Variants in FHIT observed in about 807,000 individuals in gnomAD.
FHIT encodes the protein fragile histidine triad diadenosine triphosphatase, also known as bis(5'-adenosyl)-triphosphatase.
FHIT carries 19 observed loss-of-function variants against 17.9 expected under a neutral mutation model. The observed-to-expected ratio is 1.06, with a 90% CI of 0.74 to 1.56. The LOEUF is 1.56. Ranked by LOEUF, FHIT falls within the 40% of genes most tolerant of loss-of-function variation. FHIT has a pLI of 0.00. For synonymous variants in FHIT, 81 were observed against 69.7 expected (o/e 1.16, Z -0.81); for missense variants, 248 against 189.2 (o/e 1.31, Z -1.82).
intron 4 of FHIT, among the ~76,000 whole-genome samples, chr3:60,560,820 C>CACAA (rs2036911872): frequency 7.7e-6 from 1 of 129,450 alleles, no homozygotes; most frequent in African/African-American, 2.9e-5. Flanking sequence ...CACACACACA[C>CACAA]ACACACACAC....
intron 5 of FHIT, among the ~76,000 whole-genome samples, chr3:60,127,998 A>C (rs1705636578): frequency 6.6e-6 from 1 of 152,196 alleles, no homozygotes; most frequent in Non-Finnish European, 1.5e-5. Context: ...TTAATATTCA[A>C]GTAATATTAA....
At chr3:60,681,106 G>A (rs1192330538) in intron 4 of FHIT, among the ~76,000 whole-genome samples, 1 of 152,184 alleles carries the variant, frequency 6.6e-6, no homozygotes, top group East Asian at 1.9e-4. Context: ...TTTACAAGTT[G>A]AAGGTTTGTG....
chr3:60,020,392 A>G (rs1484748663), intron 5 of FHIT, among the ~76,000 whole-genome samples: 8 of 152,210 alleles, frequency 5.3e-5, no homozygotes, highest in East Asian at 1.9e-4. Flanking sequence ...ACTCGCCCCC[A>G]TTTAGTTTTC....
chr3:61,166,675 G>T (rs1488954527), intron 2 of FHIT, among the ~76,000 whole-genome samples: 1 of 152,174 alleles, frequency 6.6e-6, no homozygotes, highest in Admixed American at 6.6e-5. Flanking sequence ...ATATCCACTT[G>T]TAACACAGAA....
intron 5 of FHIT, among the ~76,000 whole-genome samples, chr3:60,072,424 A>G (rs371748687): frequency 6.6e-6 from 1 of 152,100 alleles, no homozygotes; most frequent in African/African-American, 2.4e-5. Context: ...GAAACCAACC[A>G]AGTCAACAAC....
intron 5 of FHIT, among the ~76,000 whole-genome samples, chr3:60,289,943 G>A (rs1487169578): frequency 6.6e-6 from 1 of 152,106 alleles, no homozygotes; most frequent in Admixed American, 6.5e-5. Flanking sequence ...TTCCCTCCTG[G>A]CCCACTACAG....
chr3:60,255,513 A>AC (rs1176706748), intron 5 of FHIT, among the ~76,000 whole-genome samples: 1 of 152,040 alleles, frequency 6.6e-6, no homozygotes, highest in Non-Finnish European at 1.5e-5. Context: ...GGGGCGACAA[A>AC]CCCAACTTCT....
intron 8 of FHIT, among the ~76,000 whole-genome samples, chr3:59,805,328 G>A (rs990164440): frequency 6.6e-6 from 1 of 152,146 alleles, no homozygotes; most frequent in African/African-American, 2.4e-5. Context: ...ATGGAGTTCA[G>A]GACATGCTTC....
chr3:60,111,376 CCAAAGGTG>C (rs1704662199), intron 5 of FHIT, among the ~76,000 whole-genome samples: 1 of 152,046 alleles, frequency 6.6e-6, no homozygotes, highest in Admixed American at 6.5e-5. Flanking sequence ...TGCTTTTCAC[CCAAAGGTG>C]CAGTTAAAGA....
chr3:60,603,764 G>A (rs2038519216), intron 4 of FHIT, among the ~76,000 whole-genome samples: 1 of 152,052 alleles, frequency 6.6e-6, no homozygotes, highest in African/African-American at 2.4e-5. Context: ...CACTAGAAGT[G>A]AATGATACGT....
At chr3:60,472,387 G>A (rs1325392485) in intron 5 of FHIT, among the ~76,000 whole-genome samples, 4 of 59,118 alleles carry the variant, frequency 6.8e-5, no homozygotes, top group African/African-American at 3.0e-4. Flanking sequence ...TTTTTTTTTT[G>A]AGACGAAGTC....
chr3:61,217,393 G>A (rs2039713752), intron 1 of FHIT, among the ~76,000 whole-genome samples: 1 of 152,170 alleles, frequency 6.6e-6, no homozygotes, highest in Admixed American at 6.6e-5. Context: ...TGTTGCTCAG[G>A]GTTAGCTGAG....
intron 1 of FHIT, among the ~76,000 whole-genome samples, chr3:61,209,273 G>T (rs906693060): frequency 6.6e-6 from 1 of 152,118 alleles, no homozygotes; most frequent in African/African-American, 2.4e-5. Context: ...TTCAACTTTG[G>T]TGAATCTGAC....
intron 7 of FHIT, among the ~76,000 whole-genome samples, chr3:59,967,816 A>C (rs989955784): frequency 5.3e-5 from 8 of 152,104 alleles, no homozygotes; most frequent in African/African-American, 1.9e-4. Context: ...TTAGATGAAC[A>C]AAGGAAGAAA....
chr3:61,126,776 G>A (rs999726895), intron 2 of FHIT, among the ~76,000 whole-genome samples: 3 of 152,202 alleles, frequency 2.0e-5, no homozygotes, highest in Non-Finnish European at 4.4e-5. Context: ...CGTGGGGAGA[G>A]TACCAGGGTG....
At chr3:59,769,414 T>C (rs1701963073) in intron 8 of FHIT, among the ~76,000 whole-genome samples, 2 of 152,212 alleles carry the variant, frequency 1.3e-5, no homozygotes, top group Non-Finnish European at 2.9e-5. Flanking sequence ...GTAGAAGGCT[T>C]GGCTGGACGC....
chr3:60,440,455 TAA>T lies in FHIT; in HGVS notation c.103+96403_103+96404del, dbSNP rs976043723. On this transcript the variant is annotated intron_variant, in intron 5 of 9. Transcript: ENST00000492590. ...TACCAAATAATAACATTCTAAATAATAAGAGAGGCCACCAATTGAGGTATAAT... is the reference window on the plus strand; with the variant it reads ...TACCAAATAATAACATTCTAAATAATGAGAGGCCACCAATTGAGGTATAAT... Among the ~76,000 whole-genome samples, 58 of 152,170 alleles carry T rather than the reference TAA, an allele frequency of 3.8e-4. 1 individual carries two copies. The highest frequency in any genetic ancestry group is 1.4e-3 in the African/African-American group (58 of 41,540).
At chr3:59,839,185 G>T (rs1701442387) in intron 8 of FHIT, among the ~76,000 whole-genome samples, 1 of 151,886 alleles carries the variant, frequency 6.6e-6, no homozygotes, top group Admixed American at 6.6e-5. Flanking sequence ...GGGCGTGGTG[G>T]TACATGCCTG....
At chr3:60,037,269 A>G (rs905678987) in intron 5 of FHIT, among the ~76,000 whole-genome samples, 1 of 152,208 alleles carries the variant, frequency 6.6e-6, no homozygotes, top group Admixed American at 6.5e-5. Flanking sequence ...GAAAATACAT[A>G]CATAATGCTT....
Sources: gnomAD v4.1 joint callset for allele counts (sites outside exome capture counted in the v4.1 genomes callset) on GRCh38, gnomAD v4.1.1 for gene constraint, MANE v1.5 for transcripts, NCBI Gene and HGNC (gene_info 2026-07-23, HGNC 2026-07-21) for gene names.